The following PLCL1 variants were observed in gnomAD, a reference collection of about 807,000 sequenced individuals.
The protein encoded by PLCL1 is phospholipase C like 1 (inactive), also known as inactive phospholipase C-like protein 1.
PLCL1 carries 41 observed loss-of-function variants against 84.4 expected under a neutral mutation model. The ratio of observed to expected loss-of-function variants is 0.49; its 90% CI spans 0.38 to 0.63. PLCL1 has a LOEUF of 0.63. Ranked by LOEUF, PLCL1 falls within the 30% of genes least tolerant of loss-of-function variation. The pLI is 0.00. For synonymous variants in PLCL1, 490 were observed against 488.3 expected (o/e 1.00, Z -0.05); for missense variants, 1,206 against 1,367.8 (o/e 0.88, Z 1.87).
At chr2:197,821,879 T>A (rs185859989) in intron 1 of PLCL1, among the ~76,000 whole-genome samples, 7 of 152,262 alleles carry the variant, frequency 4.6e-5, no homozygotes, top group African/African-American at 1.7e-4. Flanking sequence ...ATATTCTTAA[T>A]TTGGAGAAGG....
At chr2:197,931,352 G>T (rs1016429061) in intron 1 of PLCL1, among the ~76,000 whole-genome samples, 5 of 152,056 alleles carry the variant, frequency 3.3e-5, no homozygotes, top group Non-Finnish European at 7.4e-5. Context: ...TTCAGGTTTT[G>T]TTTTTTTCTT....
At chr2:198,128,749 A>T (rs773377748) in intron 5 of PLCL1, among the ~76,000 whole-genome samples, 6 of 152,176 alleles carry the variant, frequency 3.9e-5, no homozygotes, top group Non-Finnish European at 5.9e-5. Flanking sequence ...GGTTTATTTT[A>T]GGAAAGGGAT....
chr2:198,100,952 T>A (rs1209726812), intron 3 of PLCL1, among the ~76,000 whole-genome samples: 1 of 152,062 alleles, frequency 6.6e-6, no homozygotes, highest in Non-Finnish European at 1.5e-5. Context: ...ATTGCAGTAA[T>A]CTTTGATGTT....
At chr2:198,003,173 T>A (rs1273927621) in intron 1 of PLCL1, among the ~76,000 whole-genome samples, 3 of 152,170 alleles carry the variant, frequency 2.0e-5, no homozygotes, top group Admixed American at 2.0e-4. Context: ...TTTTAACTAA[T>A]AATGTGAGTT....
At chr2:198,088,318 G>A (rs1453915468) in intron 2 of PLCL1, among the ~76,000 whole-genome samples, 4 of 152,140 alleles carry the variant, frequency 2.6e-5, no homozygotes, top group African/African-American at 9.7e-5. Flanking sequence ...TTCACTGTGG[G>A]TGAAATGTAA....
At chr2:198,140,397 T>C (rs947177654) in intron 5 of PLCL1, among the ~76,000 whole-genome samples, 2 of 152,134 alleles carry the variant, frequency 1.3e-5, no homozygotes, top group African/African-American at 4.8e-5. Context: ...TTAAAACTAT[T>C]TTAAAAAACA....
At chr2:197,927,510 A>T (rs1023104630) in intron 1 of PLCL1, among the ~76,000 whole-genome samples, 2 of 152,228 alleles carry the variant, frequency 1.3e-5, no homozygotes, top group East Asian at 3.8e-4. Flanking sequence ...TGCTAAAAAT[A>T]CAAAGAAGAA....
intron 1 of PLCL1, among the ~76,000 whole-genome samples, chr2:198,073,016 C>T (rs540656483): frequency 1.3e-5 from 2 of 151,882 alleles, no homozygotes; most frequent in Non-Finnish European, 2.9e-5. Flanking sequence ...ATTTTTTTGA[C>T]AAATAAAAAT....
rs544838246 is a variant in PLCL1 at position 198,149,158 on chromosome 2, C to A, written c.*2196C>A. The A allele has an allele frequency of 2.0e-5, 3 of 152,028 alleles. No individual in the cohort carries two copies. The highest frequency in any genetic ancestry group is 7.3e-5 in the African/African-American group (3 of 41,248). The allele number at this position is 152,028 out of a possible 1,614,324, so 9.4% of individuals were successfully genotyped here. ...CTAGTCTCCTGTGATGTTCCTGCCT[C>A]CAGATAGAATAGCAAAAACAAACAA... is the stretch of plus-strand genomic sequence containing the variant. On this transcript the variant is annotated 3_prime_UTR_variant, in exon 6 of 6. Coordinates refer to ENST00000428675, the MANE Select transcript of PLCL1 (RefSeq NM_006226.4).
chr2:198,038,116 T>C (rs1403367605), intron 1 of PLCL1, among the ~76,000 whole-genome samples: 1 of 152,172 alleles, frequency 6.6e-6, no homozygotes, highest in Non-Finnish European at 1.5e-5. Flanking sequence ...TTTGATTAAG[T>C]GACTAAGCAT....
chr2:198,019,485 T>C (rs1164857085), intron 1 of PLCL1, among the ~76,000 whole-genome samples: 1 of 152,132 alleles, frequency 6.6e-6, no homozygotes, highest in Non-Finnish European at 1.5e-5. Context: ...GCTAATAACC[T>C]TGATAAAAGG....
chr2:198,006,941 ATC>A (rs1690743362), intron 1 of PLCL1, among the ~76,000 whole-genome samples: 2 of 152,168 alleles, frequency 1.3e-5, no homozygotes, highest in Admixed American at 6.5e-5. Flanking sequence ...TCACCCCTAT[ATC>A]TCTGCAATAC....
chr2:197,839,095 C>A (rs1691246929), intron 1 of PLCL1, among the ~76,000 whole-genome samples: 2 of 152,162 alleles, frequency 1.3e-5, no homozygotes, highest in Non-Finnish European at 2.9e-5. Flanking sequence ...CACATTATTT[C>A]TTCTTACATC....
chr2:197,946,941 A>C (rs1689286231), intron 1 of PLCL1, among the ~76,000 whole-genome samples: 1 of 152,046 alleles, frequency 6.6e-6, no homozygotes, highest in Non-Finnish European at 1.5e-5. Context: ...CATCTTCCTC[A>C]GGGGCCCCCA....
chr2:197,806,172 C>T (rs2106412346), intron 1 of PLCL1, among the ~76,000 whole-genome samples: 1 of 152,222 alleles, frequency 6.6e-6, no homozygotes, highest in Middle Eastern at 3.4e-3. Flanking sequence ...TGGAAAAGGG[C>T]CTCAGTGTAA....
At chr2:198,027,392 A>G (rs957478090) in intron 1 of PLCL1, among the ~76,000 whole-genome samples, 2 of 152,172 alleles carry the variant, frequency 1.3e-5, no homozygotes, top group African/African-American at 4.8e-5. Flanking sequence ...AGGGCACAAA[A>G]TTTAGTTAGG....
At chr2:198,114,006 G>A (rs1178793242) in intron 5 of PLCL1, among the ~76,000 whole-genome samples, 1 of 151,772 alleles carries the variant, frequency 6.6e-6, no homozygotes, top group Admixed American at 6.6e-5. Flanking sequence ...GATGCAGAGA[G>A]AGAGAGAGAG....
Position 198,088,935 on chromosome 2 carries a change from A to G in PLCL1, c.2793A>G (p.Ser931=), listed in dbSNP as rs1692951554. The G allele has an allele frequency of 6.2e-7, 1 of 1,612,804 alleles. No homozygotes were observed. Among genetic ancestry groups the G allele is most frequent in the South Asian group, 1.1e-5 (1 of 91,068 alleles). The change falls in exon 3 of 6, where the codon TCA becomes TCG. Residue 931 remains serine, a synonymous_variant. Transcript: ENST00000428675. ...TGAAGCAGTGCCTGTTAACTCTGTC[A>G]TCTCGGCTCATCACCAGTGACAATA... The part of the protein sequence containing the change: ...ASLKQCLLTL[S]SRLITSDNTP...
At chr2:197,840,593 A>G (rs1465608980) in intron 1 of PLCL1, among the ~76,000 whole-genome samples, 3 of 152,100 alleles carry the variant, frequency 2.0e-5, no homozygotes, top group Non-Finnish European at 4.4e-5. Flanking sequence ...TTTTATTTCA[A>G]ATAAGTCCTG....
Sources: allele counts gnomAD v4.1 joint callset (sites outside exome capture counted in the v4.1 genomes callset), GRCh38; gene constraint gnomAD v4.1.1; transcripts MANE v1.5; gene names NCBI Gene and HGNC (gene_info 2026-07-23, HGNC 2026-07-21).